JAK2: variants seen among roughly 807,000 people sequenced by gnomAD.
The protein encoded by JAK2 is Janus kinase 2, also known as tyrosine-protein kinase JAK2.
Under a neutral mutation model 139.3 loss-of-function variants are expected in JAK2, and 86 were observed. The observed-to-expected ratio is 0.62, with a 90% CI of 0.52 to 0.74. The LOEUF (loss-of-function observed/expected upper bound fraction) is 0.74, where lower values mean the gene tolerates loss of function less well. Among genes scored for constraint, JAK2 ranks in the 30% least tolerant of loss-of-function variants. The pLI, the probability that JAK2 is intolerant of heterozygous loss-of-function variation, is 0.00. For synonymous variants in JAK2, 490 were observed against 437.7 expected (o/e 1.12, Z -1.49); for missense variants, 1,421 against 1,360.3 (o/e 1.04, Z -0.70).
At position 5,011,326 on chromosome 9, in the gene JAK2, C is replaced by A. The variant is rs190952929; in HGVS notation, c.-25-10637C>A. On this transcript the variant is annotated intron_variant, in intron 2 of 24. Transcript: ENST00000381652. Reference sequence around the variant, plus strand: ...TCAGCCTCCCAAGTAGCTGGGACTACGGGCACAGAGCACCATGCCCAGCAA... The same window carrying A: ...TCAGCCTCCCAAGTAGCTGGGACTAAGGGCACAGAGCACCATGCCCAGCAA... 8.5e-5 allele frequency among the ~76,000 whole-genome samples: 13 copies of A among 152,164 alleles called. No individual in the cohort carries two copies. The South Asian group carries it at 2.7e-3, about 32-fold the overall frequency.
chr9:5,029,641 G>C (rs377325036), intron 3 of JAK2, 142 bp from the exon 4 acceptor site: 3 of 621,362 alleles, frequency 4.8e-6, no homozygotes, highest in East Asian at 5.7e-5. Flanking sequence ...GTAGGGGTTG[G>C]TATATCAAAA....
intron 22 of JAK2, 79 bp downstream of exon 22, chr9:5,090,990 A>C: frequency 9.4e-7 from 1 of 1,067,274 alleles, no homozygotes; most frequent in Middle Eastern, 3.1e-4. Flanking sequence ...ATAGTTTGCC[A>C]TTTCTATATT....
intron 22 of JAK2, chr9:5,112,677 C>T: frequency 1.1e-6 from 1 of 941,160 alleles, no homozygotes; most frequent in African/African-American, 1.7e-5. Flanking sequence ...CAGGCCGTCT[C>T]GGTCATCCTG....
chr9:5,062,691 G>T (rs1026589989), intron 8 of JAK2, among the ~76,000 whole-genome samples: 1 of 151,986 alleles, frequency 6.6e-6, no homozygotes, highest in Non-Finnish European at 1.5e-5. Context: ...TGTTTCCAAT[G>T]TATCTGTACA....
intron 4 of JAK2, among the ~76,000 whole-genome samples, chr9:5,037,217 G>A (rs1563945049): frequency 6.6e-6 from 1 of 152,146 alleles, no homozygotes; most frequent in Non-Finnish European, 1.5e-5. Context: ...ACAGGTGCTG[G>A]AGAGGATGTG....
chr9:5,046,384 T>C (rs1817011745), intron 5 of JAK2, among the ~76,000 whole-genome samples: 1 of 152,220 alleles, frequency 6.6e-6, no homozygotes, highest in African/African-American at 2.4e-5. Flanking sequence ...TGCTTGTCTT[T>C]TGATGGACAA....
intron 8 of JAK2, among the ~76,000 whole-genome samples, chr9:5,058,882 G>A (rs932227692): frequency 6.6e-6 from 1 of 151,850 alleles, no homozygotes; most frequent in African/African-American, 2.4e-5. Context: ...TTTTTAATCA[G>A]GTTTTTTTTG....
At chr9:5,052,558 C>G (rs1817491379) in intron 6 of JAK2, among the ~76,000 whole-genome samples, 2 of 152,020 alleles carry the variant, frequency 1.3e-5, no homozygotes, top group African/African-American at 4.8e-5. Context: ...ATTATATTCA[C>G]AGGGTTGTAT....
At chr9:5,116,684 G>C (rs531297054) in intron 22 of JAK2, among the ~76,000 whole-genome samples, 1 of 152,272 alleles carries the variant, frequency 6.6e-6, no homozygotes, top group Admixed American at 6.5e-5. Flanking sequence ...ACTATACAGG[G>C]AGGTAGGGAT....
chr9:5,110,190 G>A (rs1297574463), intron 22 of JAK2: 1 of 152,124 alleles, frequency 6.6e-6, no homozygotes, highest in African/African-American at 2.4e-5. Flanking sequence ...CCCAACCCCA[G>A]CCTCAGCCCT....
chr9:4,995,671 A>G (rs1211324827), intron 2 of JAK2, among the ~76,000 whole-genome samples: 4 of 152,234 alleles, frequency 2.6e-5, no homozygotes, highest in Non-Finnish European at 2.9e-5. Flanking sequence ...CAAGTCCTGT[A>G]TAATATTTAT....
rs568277443 is a variant in JAK2 at position 5,086,591 on chromosome 9, C to CT, written c.2572-3081dup. ...CATTATTTTGGATGCCCTTCCAATA[C>CT]TTAAAAAAAAAATTCCTTGGCTTCT... On this transcript the variant is annotated intron_variant, in intron 19 of 24. Coordinates refer to ENST00000381652, the MANE Select transcript of JAK2 (RefSeq NM_004972.4). Among the ~76,000 whole-genome samples the CT allele has an allele frequency of 2.7e-3, 410 of 151,970 alleles. 1 individual carries two copies. Among genetic ancestry groups the CT allele is most frequent in the African/African-American group, 9.4e-3 (388 of 41,426 alleles).
At chr9:5,065,605 T>C (rs1818516154) in intron 9 of JAK2, among the ~76,000 whole-genome samples, 1 of 152,240 alleles carries the variant, frequency 6.6e-6, no homozygotes, top group African/African-American at 2.4e-5. Context: ...AATTTAATTT[T>C]AATTTCTTTA....
At chr9:5,123,727 A>G (rs1250111222) in intron 23 of JAK2, among the ~76,000 whole-genome samples, 1 of 151,922 alleles carries the variant, frequency 6.6e-6, no homozygotes, top group African/African-American at 2.4e-5. Flanking sequence ...AAATCTTTAT[A>G]ATGTTTTCCA....
chr9:5,111,644 C>T (rs991161090), intron 22 of JAK2: 8 of 388,906 alleles, frequency 2.1e-5, no homozygotes, highest in African/African-American at 4.2e-5. Flanking sequence ...GGGCTCATGC[C>T]CCTCGTCCCT....
At chr9:5,065,797 A>G (rs1818529212) in intron 9 of JAK2, among the ~76,000 whole-genome samples, 1 of 152,176 alleles carries the variant, frequency 6.6e-6, no homozygotes, top group African/African-American at 2.4e-5. Context: ...GAGCAAAGGG[A>G]AAATCTGGGA....
In JAK2 at chr9:5,029,925, T is replaced by A; in HGVS notation, c.350+19T>A. The stretch of plus-strand genomic sequence containing the variant: ...GAATAAGGTACTTTCTTCAGTAAAG[T>A]AACTCACTTAATGCTAAAAGGCAAA... On this transcript the variant is annotated intron_variant, in intron 4 of 24. Coordinates refer to ENST00000381652, the MANE Select transcript of JAK2 (RefSeq NM_004972.4). 1 of 1,568,354 alleles carries A rather than the reference T, an allele frequency of 6.4e-7. No homozygotes were observed. The highest frequency in any genetic ancestry group is 8.6e-7 in the Non-Finnish European group (1 of 1,162,564).
chr9:5,090,793 A>G lies in JAK2; in HGVS notation c.2941A>G (p.Asn981Asp). Reference sequence around the variant, plus strand: ...TATCCACAGGGATCTGGCAACGAGAAATATATTGGTGGAGAACGAGAACAG... The same window carrying G: ...TATCCACAGGGATCTGGCAACGAGAGATATATTGGTGGAGAACGAGAACAG... The part of the protein sequence containing the change: ...RYIHRDLATR[N>D]ILVENENRVK... The change falls in exon 22 of 25, where the codon AAT (asparagine) becomes GAT (aspartate). Residue 981 changes from asparagine (N) to aspartate (D), a missense_variant. Coordinates refer to ENST00000381652, the MANE Select transcript of JAK2 (RefSeq NM_004972.4). The G allele has an allele frequency of 6.2e-7, 1 of 1,613,424 alleles. No homozygotes were observed. The highest frequency in any genetic ancestry group is 8.5e-7 in the Non-Finnish European group (1 of 1,179,690).
chr9:5,020,509 C>G (rs1187985911), intron 2 of JAK2, among the ~76,000 whole-genome samples: 1 of 152,030 alleles, frequency 6.6e-6, no homozygotes, highest in African/African-American at 2.4e-5. Flanking sequence ...TGTGCTGTGC[C>G]CTGATGCTGG....
Sources: gnomAD v4.1 joint callset for allele counts (sites outside exome capture counted in the v4.1 genomes callset) on GRCh38, gnomAD v4.1.1 for gene constraint, MANE v1.5 for transcripts, NCBI Gene and HGNC (gene_info 2026-07-23, HGNC 2026-07-21) for gene names.